The following SGCZ variants were observed in gnomAD, a reference collection of about 807,000 sequenced individuals.
The protein encoded by SGCZ is zeta-sarcoglycan.
Under a neutral mutation model 41.3 loss-of-function variants are expected in SGCZ, and 40 were observed. The ratio of observed to expected loss-of-function variants is 0.97; its 90% CI spans 0.75 to 1.26. The LOEUF is 1.26. Ranked by LOEUF, SGCZ falls within the 50% of genes most tolerant of loss-of-function variation. The pLI, the probability that SGCZ is intolerant of heterozygous loss-of-function variation, is 0.00. For missense variants in SGCZ, 552 were observed against 369.8 expected, an observed-to-expected ratio of 1.49 and a Z score of -4.04; for synonymous variants, 206 against 137.5, an observed-to-expected ratio of 1.50 and a Z score of -3.49.
At chr8:15,200,586 C>T (rs1440670048) in intron 1 of SGCZ, among the ~76,000 whole-genome samples, 1 of 152,146 alleles carries the variant, frequency 6.6e-6, no homozygotes, top group East Asian at 1.9e-4. Flanking sequence ...ACTAGACTTT[C>T]CTGTTGTTTC....
intron 1 of SGCZ, among the ~76,000 whole-genome samples, chr8:14,672,614 T>A (rs1394981281): frequency 3.3e-5 from 5 of 152,182 alleles, no homozygotes; most frequent in Non-Finnish European, 7.3e-5. Flanking sequence ...AGTAACTAAC[T>A]CTGGCTGGGA....
intron 1 of SGCZ, among the ~76,000 whole-genome samples, chr8:14,982,235 G>C (rs1437084210): frequency 6.6e-6 from 1 of 151,974 alleles, no homozygotes; most frequent in Non-Finnish European, 1.5e-5. Flanking sequence ...TGGACATTAG[G>C]GCTGCTGGTT....
At chr8:14,234,953 A>C (rs1283350448) in intron 4 of SGCZ, among the ~76,000 whole-genome samples, 1 of 152,182 alleles carries the variant, frequency 6.6e-6, no homozygotes. Flanking sequence ...AAGCATCATG[A>C]GATTTCTCCC....
At chr8:14,988,567 G>A (rs959251504) in intron 1 of SGCZ, among the ~76,000 whole-genome samples, 1 of 151,408 alleles carries the variant, frequency 6.6e-6, no homozygotes, top group Non-Finnish European at 1.5e-5. Context: ...ATTTCAAATC[G>A]TCTTTTCATT....
chr8:14,517,079 G>C (rs536879122), intron 2 of SGCZ, among the ~76,000 whole-genome samples: 4 of 152,002 alleles, frequency 2.6e-5, no homozygotes, highest in African/African-American at 9.7e-5. Flanking sequence ...TTCGTAATGC[G>C]TGACGGAAAC....
chr8:14,380,963 A>G (rs1425449472), intron 2 of SGCZ, among the ~76,000 whole-genome samples: 1 of 152,208 alleles, frequency 6.6e-6, no homozygotes, highest in Non-Finnish European at 1.5e-5. Flanking sequence ...TTTTAAACAC[A>G]CTATGCGTAT....
chr8:14,407,328 A>G (rs11985519), intron 2 of SGCZ, among the ~76,000 whole-genome samples: 20,329 of 151,990 alleles, frequency 0.13, 2,993 homozygotes, highest in African/African-American at 0.36. Flanking sequence ...TCTTAACTGT[A>G]TGCCACAGCT....
Position 14,329,024 on chromosome 8 carries a change from C to G in SGCZ, c.235-4820G>C, listed in dbSNP as rs112677808. Among the ~76,000 whole-genome samples, 11 of 152,158 alleles carry G rather than the reference C, an allele frequency of 7.2e-5. 2 individuals are homozygous for G. The highest frequency in any genetic ancestry group is 2.6e-4 in the African/African-American group (11 of 41,542). On this transcript the variant is annotated intron_variant, in intron 2 of 7. Coordinates refer to ENST00000382080, the MANE Select transcript of SGCZ (RefSeq NM_139167.4). ...AACCTGCTAGTGCCTTGATCTTGGA[C>G]TTCCCAGCCTTCAAAACTGTAAGAA...
chr8:14,618,459 A>G (rs1306846151), intron 1 of SGCZ, among the ~76,000 whole-genome samples: 2 of 152,200 alleles, frequency 1.3e-5, no homozygotes, highest in Non-Finnish European at 2.9e-5. Flanking sequence ...GGCAGAAACA[A>G]TCCTGGCATA....
rs188653698 is a variant in SGCZ at position 14,810,054 on chromosome 8, T to G, written c.40-255128A>C. 5.2e-3 allele frequency among the ~76,000 whole-genome samples: 790 copies of G among 152,154 alleles called. 6 individuals carry two copies. Among genetic ancestry groups the G allele is most frequent in the Non-Finnish European group, 7.4e-3 (501 of 67,940 alleles). ...ATATCTTTTAGATCTGTTTTTAACA[T>G]ACCACAGACTATTTTAGAAAAAGTG... On this transcript the variant is annotated intron_variant, in intron 1 of 7. Transcript: ENST00000382080.
At chr8:14,941,613 C>T (rs1585397907) in intron 1 of SGCZ, among the ~76,000 whole-genome samples, 1 of 151,870 alleles carries the variant, frequency 6.6e-6, no homozygotes, top group African/African-American at 2.4e-5. Context: ...TAAGCATTTC[C>T]TCCAATGCTG....
intron 1 of SGCZ, among the ~76,000 whole-genome samples, chr8:14,808,346 A>G (rs1365584020): frequency 6.6e-6 from 1 of 152,198 alleles, no homozygotes; most frequent in Admixed American, 6.5e-5. Context: ...ACAAAGGGCT[A>G]ATATCCAGAA....
At chr8:15,035,479 T>C (rs922558854) in intron 1 of SGCZ, among the ~76,000 whole-genome samples, 13 of 152,026 alleles carry the variant, frequency 8.6e-5, no homozygotes, top group African/African-American at 3.1e-4. Context: ...TAACAAAATA[T>C]CAGTTGTAAA....
chr8:14,486,017 A>AT (rs1482867727), intron 2 of SGCZ, among the ~76,000 whole-genome samples: 3 of 151,858 alleles, frequency 2.0e-5, no homozygotes, highest in Non-Finnish European at 2.9e-5. Flanking sequence ...AATTTTTTGT[A>AT]TTTTTAGTAG....
chr8:14,282,558 C>T (rs1197527820), intron 3 of SGCZ, among the ~76,000 whole-genome samples: 2 of 152,054 alleles, frequency 1.3e-5, no homozygotes, highest in Non-Finnish European at 2.9e-5. Context: ...TTTTACCTCG[C>T]ACCTAAAACT....
At chr8:14,950,839 T>A (rs995243983) in intron 1 of SGCZ, among the ~76,000 whole-genome samples, 2 of 151,934 alleles carry the variant, frequency 1.3e-5, no homozygotes, top group Non-Finnish European at 2.9e-5. Flanking sequence ...AGAAGTCTAA[T>A]CAAAAATGTA....
rs989662851 is a variant in SGCZ at position 14,364,142 on chromosome 8, T to A, written c.235-39938A>T. ...TATTTTGTGTATAAAATGTGTTTAT[T>A]TCTATGAAAATCCTATTTTTAACAC... On this transcript the variant is annotated intron_variant, in intron 2 of 7. Coordinates refer to ENST00000382080, the MANE Select transcript of SGCZ (RefSeq NM_139167.4). 2.6e-5 allele frequency among the ~76,000 whole-genome samples: 4 copies of A among 152,208 alleles called. No homozygotes were observed. The East Asian group carries it at 7.7e-4, about 29-fold the overall frequency.
intron 2 of SGCZ, among the ~76,000 whole-genome samples, chr8:14,470,738 A>G (rs1479536921): frequency 3.3e-5 from 5 of 152,218 alleles, no homozygotes; most frequent in Admixed American, 3.3e-4. Context: ...ATGTATAAAA[A>G]GTGCCAAATG....
intron 2 of SGCZ, among the ~76,000 whole-genome samples, chr8:14,552,988 G>C (rs951089112): frequency 6.6e-6 from 1 of 151,960 alleles, no homozygotes; most frequent in Middle Eastern, 3.2e-3. Context: ...AAAATTTGGA[G>C]AATATGCTTT....
Sources: gnomAD v4.1 joint callset for allele counts (sites outside exome capture counted in the v4.1 genomes callset) on GRCh38, gnomAD v4.1.1 for gene constraint, MANE v1.5 for transcripts, NCBI Gene and HGNC (gene_info 2026-07-23, HGNC 2026-07-21) for gene names.